CELF1: variants seen among roughly 807,000 people sequenced by gnomAD.
CELF1 encodes the protein 50 kDa nuclear polyadenylated RNA-binding protein.
A neutral mutation model predicts 61.8 loss-of-function variants in CELF1; 10 were observed. The ratio of observed to expected loss-of-function variants is 0.16; its 90% CI spans 0.10 to 0.27. The LOEUF is 0.27. CELF1 is among the 10% of genes least tolerant of loss of function. The pLI, the probability that CELF1 is intolerant of heterozygous loss-of-function variation, is 1.00. For missense variants in CELF1, 380 were observed against 639.1 expected, an observed-to-expected ratio of 0.59 and a Z score of 4.37; for synonymous variants, 236 against 225.1, an observed-to-expected ratio of 1.05 and a Z score of -0.43.
intron 2 of CELF1, among the ~76,000 whole-genome samples, chr11:47,559,289 T>C (rs1378078856): frequency 6.6e-6 from 1 of 150,902 alleles, no homozygotes; most frequent in Non-Finnish European, 1.5e-5. Context: ...ATGGTTTCCA[T>C]CTCCAGATCT....
intron 1 of CELF1, among the ~76,000 whole-genome samples, chr11:47,533,994 A>T (rs927860626): frequency 1.4e-5 from 2 of 145,638 alleles, no homozygotes; most frequent in South Asian, 4.4e-4. Context: ...AGACCACAAC[A>T]TAAGTTATAT....
rs950085758 is a variant in CELF1 at position 47,470,745 on chromosome 11, C to G, written c.*1485G>C. 1 of 152,196 alleles carries G rather than the reference C, an allele frequency of 6.6e-6. No individual in the cohort carries two copies. The allele number at this position is 152,196 out of a possible 1,614,324, so 9.4% of individuals were successfully genotyped here. A position where few individuals can be genotyped will look rare whatever the true frequency, so the allele number is the denominator to read the frequency against. ...GGGATCCCATCCCTGGCTGTGGCTA[C>G]AGTCACATCTTAACAGGGCCACCTC... is the stretch of plus-strand genomic sequence containing the variant. On this transcript the variant is annotated 3_prime_UTR_variant, in exon 15 of 15. Transcript: ENST00000687097.
chr11:47,482,499 C>T (rs1596337014), intron 9 of CELF1, 196 bp downstream of exon 9: 1 of 399,166 alleles, frequency 2.5e-6, no homozygotes, highest in African/African-American at 2.1e-5. Flanking sequence ...ACCAGAGATG[C>T]ATGTCCAGAG....
chr11:47,501,880 T>C (rs1236209022), intron 1 of CELF1, among the ~76,000 whole-genome samples: 1 of 152,144 alleles, frequency 6.6e-6, no homozygotes, highest in Non-Finnish European at 1.5e-5. Flanking sequence ...CTTACCTAAA[T>C]TTCAAGGTTA....
At chr11:47,499,320 G>C (rs946692681) in intron 3 of CELF1, 133 bp downstream of exon 3, 10 of 647,026 alleles carry the variant, frequency 1.5e-5, no homozygotes, top group Non-Finnish European at 2.7e-5. Context: ...TAGCATGAGA[G>C]AATTCAGGTT....
At chr11:47,495,544 TTATAG>T (rs1163686715) in intron 3 of CELF1, among the ~76,000 whole-genome samples, 6 of 152,270 alleles carry the variant, frequency 3.9e-5, no homozygotes, top group Middle Eastern at 3.4e-3. Context: ...AGGGTAAACT[TTATAG>T]TATGTGAATT....
At chr11:47,497,929 T>C (rs2093405207) in intron 3 of CELF1, among the ~76,000 whole-genome samples, 1 of 152,140 alleles carries the variant, frequency 6.6e-6, no homozygotes, top group Admixed American at 6.5e-5. Context: ...ACAGGAAGTA[T>C]TACAATGAAA....
At chr11:47,483,033 G>T (rs2084317199) in intron 8 of CELF1, among the ~76,000 whole-genome samples, 177 bp from the exon 9 acceptor site, 1 of 152,062 alleles carries the variant, frequency 6.6e-6, no homozygotes, top group Non-Finnish European at 1.5e-5. Flanking sequence ...AGGCTGAGGC[G>T]GGTGGATCAC....
chr11:47,545,303 A>G (rs2096904422), intron 1 of CELF1, among the ~76,000 whole-genome samples: 1 of 151,948 alleles, frequency 6.6e-6, no homozygotes, highest in Non-Finnish European at 1.5e-5. Context: ...GGTGGCGGGC[A>G]CCTATAATCC....
chr11:47,481,189 G>A (rs886558525), intron 9 of CELF1, among the ~76,000 whole-genome samples: 50 of 125,376 alleles, frequency 4.0e-4, no homozygotes, highest in African/African-American at 1.5e-3. Context: ...TTGGCTCACT[G>A]CAACCTCCGC....
chr11:47,473,336 A>G, intron 13 of CELF1, 105 bp from the exon 14 acceptor site: 1 of 1,059,088 alleles, frequency 9.4e-7, no homozygotes, highest in East Asian at 2.4e-5. Flanking sequence ...CACAATCCCT[A>G]AAAACAGAGA....
At chr11:47,535,454 G>T (rs1215038858) in intron 1 of CELF1, among the ~76,000 whole-genome samples, 1 of 151,936 alleles carries the variant, frequency 6.6e-6, no homozygotes, top group Non-Finnish European at 1.5e-5. Context: ...CGAGGCAGGC[G>T]GATCAGTTGA....
chr11:47,561,316 G>A (rs1176486446), intron 2 of CELF1, among the ~76,000 whole-genome samples: 4 of 151,010 alleles, frequency 2.6e-5, no homozygotes, highest in African/African-American at 7.3e-5. Flanking sequence ...GGTAGCGGGC[G>A]CCTGTAGTCC....
At chr11:47,524,245 G>A (rs1270906700) in intron 1 of CELF1, among the ~76,000 whole-genome samples, 1 of 151,764 alleles carries the variant, frequency 6.6e-6, no homozygotes, top group African/African-American at 2.4e-5. Flanking sequence ...TGAGTGCCAG[G>A]AAAGGAATTC....
At chr11:47,515,527 C>G (rs1254813055) in intron 1 of CELF1, among the ~76,000 whole-genome samples, 1 of 152,202 alleles carries the variant, frequency 6.6e-6, no homozygotes, top group Non-Finnish European at 1.5e-5. Context: ...TTGATTTCAG[C>G]CCACTTGTGC....
chr11:47,535,343 T>C (rs1014870422), intron 1 of CELF1, among the ~76,000 whole-genome samples: 2 of 152,206 alleles, frequency 1.3e-5, no homozygotes, highest in Admixed American at 6.5e-5. Flanking sequence ...AGATATACCA[T>C]TAACTACCGT....
intron 1 of CELF1, among the ~76,000 whole-genome samples, chr11:47,519,661 G>A (rs1271161319): frequency 3.6e-4 from 54 of 151,990 alleles, no homozygotes. Flanking sequence ...CACAAGGTCA[G>A]GAGATCGAGA....
rs1414621775 is a variant in CELF1, at chr11:47,504,881, G to C, written c.-153-3949C>G. 3.0e-5 allele frequency among the ~76,000 whole-genome samples: 4 copies of C among 135,390 alleles called. No homozygotes were observed. The South Asian group carries it at 7.1e-4, about 24-fold the overall frequency. 88.8% of individuals were successfully genotyped at this position (135,390 alleles called of 152,430 possible). Reference sequence around the variant, plus strand: ...CATGCCATTGCACTCCAGCCTGGGCGATAGAGTGAGACTCTGTCACCAAAA... The same window carrying C: ...CATGCCATTGCACTCCAGCCTGGGCCATAGAGTGAGACTCTGTCACCAAAA... On this transcript the variant is annotated intron_variant, in intron 1 of 14. Transcript: ENST00000687097.
chr11:47,477,305 G>A lies in CELF1; in HGVS notation c.965C>T (p.Thr322Ile), dbSNP rs1222849917. The change falls in exon 11 of 15, where the codon ACT becomes ATT. Residue 322 changes from threonine (T) to isoleucine (I), a missense_variant. Coordinates refer to ENST00000687097, the MANE Select transcript of CELF1 (RefSeq NM_001376376.1). ...TTSSSPLSVL[T>I]SSAGSSPSSS... ...GTCATCCTCATGCTTACCTGAACTA[G>A]TGAGCACGCTGAGGGGACTGCTGGA... 1 of 1,614,074 alleles carries A rather than the reference G, an allele frequency of 6.2e-7. No homozygotes were observed.
Sources: allele counts gnomAD v4.1 joint callset (sites outside exome capture counted in the v4.1 genomes callset), GRCh38; gene constraint gnomAD v4.1.1; transcripts MANE v1.5; gene names NCBI Gene and HGNC (gene_info 2026-07-23, HGNC 2026-07-21).